CA10: variants seen among roughly 807,000 people sequenced by gnomAD.
CA10 encodes the protein carbonic anhydrase 10 (inactive), also known as carbonic anhydrase-related protein 10.
In CA10, 14 loss-of-function variants were observed where a neutral mutation model predicts 44.2. That is an observed-to-expected ratio of 0.32 (90% CI 0.21 to 0.50). The LOEUF is 0.50. Ranked by LOEUF, CA10 falls within the 20% of genes least tolerant of loss-of-function variation. The probability of loss-of-function intolerance (pLI) is 0.99; values close to 1 mark genes in which losing one functional copy is unlikely to be tolerated. For missense variants in CA10, 350 were observed against 409.7 expected (o/e 0.85, Z 1.26); for synonymous variants, 159 against 141.6 (o/e 1.12, Z -0.87).
At chr17:51,957,432 C>CT (rs528128442) in intron 2 of CA10, among the ~76,000 whole-genome samples, 316 of 144,508 alleles carry the variant, frequency 2.2e-3, no homozygotes, top group South Asian at 0.017. Context: ...TATATGAAAA[C>CT]TTTTTTTTTT....
chr17:52,076,135 C>T (rs1987812613), intron 1 of CA10, among the ~76,000 whole-genome samples: 1 of 152,138 alleles, frequency 6.6e-6, no homozygotes, highest in South Asian at 2.1e-4. Context: ...CTTTTTATCT[C>T]TCTTCTTACA....
At chr17:51,725,674 C>A (rs1367394701) in intron 4 of CA10, among the ~76,000 whole-genome samples, 1 of 152,198 alleles carries the variant, frequency 6.6e-6, no homozygotes, top group Non-Finnish European at 1.5e-5. Flanking sequence ...CTGAGAGAGA[C>A]CCTTTTTCTC....
intron 1 of CA10, among the ~76,000 whole-genome samples, chr17:52,154,390 C>A (rs1989762227): frequency 6.6e-6 from 1 of 152,072 alleles, no homozygotes; most frequent in Admixed American, 6.5e-5. Context: ...CCACATAATT[C>A]AAATGGTTAT....
At chr17:51,695,949 T>G (rs1915388722) in intron 4 of CA10, among the ~76,000 whole-genome samples, 1 of 152,318 alleles carries the variant, frequency 6.6e-6, no homozygotes, top group Non-Finnish European at 1.5e-5. Context: ...TTAATTCTGT[T>G]TATGTGGTGA....
chr17:51,876,208 C>G (rs1254939864), intron 3 of CA10, among the ~76,000 whole-genome samples: 1 of 146,966 alleles, frequency 6.8e-6, no homozygotes, highest in Non-Finnish European at 1.5e-5. Context: ...ACCCTGTCAC[C>G]CAGGCTGGAG....
At chr17:51,799,729 G>C (rs1006814616) in intron 3 of CA10, among the ~76,000 whole-genome samples, 2 of 152,130 alleles carry the variant, frequency 1.3e-5, no homozygotes, top group Admixed American at 6.5e-5. Flanking sequence ...ATCCAAAGAA[G>C]ATATACAAAT....
chr17:52,049,048 T>C (rs114942646), intron 2 of CA10, among the ~76,000 whole-genome samples: 1,624 of 152,170 alleles, frequency 0.011, 31 homozygotes, highest in African/African-American at 0.037. Context: ...ATGACATATA[T>C]AAGAATTATT....
At chr17:51,828,386 C>A (rs546532094) in intron 3 of CA10, among the ~76,000 whole-genome samples, 2 of 152,322 alleles carry the variant, frequency 1.3e-5, no homozygotes, top group South Asian at 4.1e-4. Context: ...TGTATGCAAG[C>A]ATTTGTTAAA....
chr17:51,779,505 G>T (rs1366639469), intron 3 of CA10, among the ~76,000 whole-genome samples: 2 of 152,174 alleles, frequency 1.3e-5, no homozygotes, highest in South Asian at 4.1e-4. Flanking sequence ...TAATCTGAAG[G>T]TGCTGCAGCA....
At chr17:51,689,945 C>T (rs1915132236) in intron 4 of CA10, among the ~76,000 whole-genome samples, 1 of 148,922 alleles carries the variant, frequency 6.7e-6, no homozygotes, top group Non-Finnish European at 1.5e-5. Context: ...AAAATCTACT[C>T]TTACCGATTT....
At chr17:51,874,367 A>G (rs942281691) in intron 3 of CA10, among the ~76,000 whole-genome samples, 6 of 150,784 alleles carry the variant, frequency 4.0e-5, no homozygotes, top group East Asian at 3.9e-4. Flanking sequence ...TCATCTGAGC[A>G]TCTACTCTTG....
intron 2 of CA10, among the ~76,000 whole-genome samples, chr17:51,948,702 A>G (rs542098336): frequency 6.0e-4 from 92 of 152,232 alleles, no homozygotes; most frequent in African/African-American, 2.2e-3. Flanking sequence ...GTGCCTTTCC[A>G]GCCCTCTAAT....
intron 2 of CA10, among the ~76,000 whole-genome samples, chr17:52,040,467 T>G (rs995182235): frequency 8.5e-5 from 13 of 152,078 alleles, no homozygotes; most frequent in African/African-American, 3.1e-4. Flanking sequence ...AAAGAAACTT[T>G]CATTTCAGAC....
chr17:51,862,784 G>A (rs1979371403), intron 3 of CA10, among the ~76,000 whole-genome samples: 1 of 151,726 alleles, frequency 6.6e-6, no homozygotes, highest in African/African-American at 2.4e-5. Flanking sequence ...GTGTGTATGT[G>A]TATGGGGCGG....
chr17:51,937,594 C>T (rs1158662970), intron 2 of CA10, among the ~76,000 whole-genome samples: 1 of 152,076 alleles, frequency 6.6e-6, no homozygotes, highest in Non-Finnish European at 1.5e-5. Context: ...CTATTTAACC[C>T]ATAATCATTA....
chr17:51,837,418 A>G (rs1479392494), intron 3 of CA10, among the ~76,000 whole-genome samples: 1 of 152,226 alleles, frequency 6.6e-6, no homozygotes, highest in Non-Finnish European at 1.5e-5. Flanking sequence ...GATTAAGTAC[A>G]TAAAATTTCA....
At chr17:51,819,367 C>T (rs1375275495) in intron 3 of CA10, among the ~76,000 whole-genome samples, 1 of 152,142 alleles carries the variant, frequency 6.6e-6, no homozygotes, top group Non-Finnish European at 1.5e-5. Flanking sequence ...TGATCCTCAC[C>T]TTGGTGGCTC....
chr17:52,058,172 G>C (rs1223050259), intron 2 of CA10, among the ~76,000 whole-genome samples: 2 of 152,086 alleles, frequency 1.3e-5, no homozygotes, highest in Non-Finnish European at 2.9e-5. Flanking sequence ...AGCCTTACAC[G>C]TGCCTCCCTG....
intron 3 of CA10, among the ~76,000 whole-genome samples, chr17:51,895,670 A>G (rs1981039100): frequency 6.6e-6 from 1 of 152,132 alleles, no homozygotes; most frequent in Non-Finnish European, 1.5e-5. Context: ...ATCTGGAACC[A>G]AAATTCAAGA....
Sources: gnomAD v4.1 joint callset for allele counts (sites outside exome capture counted in the v4.1 genomes callset) on GRCh38, gnomAD v4.1.1 for gene constraint, MANE v1.5 for transcripts, NCBI Gene and HGNC (gene_info 2026-07-23, HGNC 2026-07-21) for gene names.